The following VWA5A variants were observed in gnomAD, a reference collection of about 807,000 sequenced individuals.
VWA5A encodes von Willebrand factor A domain containing 5A, also known as von Willebrand factor A domain-containing protein 5A.
In VWA5A, 77 loss-of-function variants were observed where a neutral mutation model predicts 84.6. The observed-to-expected ratio is 0.91, with a 90% CI of 0.76 to 1.10. The LOEUF (loss-of-function observed/expected upper bound fraction) is 1.10. VWA5A is among the 50% of genes least tolerant of loss of function. The pLI is 0.00. For missense variants in VWA5A, 973 were observed against 963.0 expected (o/e 1.01, Z -0.14); for synonymous variants, 334 against 350.1 (o/e 0.95, Z 0.51).
At chr11:124,119,182 C>A in intron 7 of VWA5A, 93 bp downstream of exon 7, 1 of 1,193,406 alleles carries the variant, frequency 8.4e-7, no homozygotes, top group Non-Finnish European at 1.2e-6. Flanking sequence ...TCCTTCCCTC[C>A]AGGGGTGGTT....
chr11:124,135,023 A>T lies in VWA5A; in HGVS notation c.1348A>T (p.Met450Leu), dbSNP rs140282065. Residue 450 changes from methionine to leucine, a missense_variant, in exon 12 of 19, where the codon ATG (methionine) becomes TTG (leucine). Coordinates refer to ENST00000456829, the MANE Select transcript of VWA5A (RefSeq NM_001130142.2). Reference protein sequence around the residue: ...TSEFITGKDRMQSKALRTLKR... With the variant: ...TSEFITGKDRLQSKALRTLKR... ...AGAATTTATCACAGGCAAAGACAGG[A>T]TGCAGTCCAAGGTGAGGGACAGACT... The T allele has an allele frequency of 6.9e-4, 1,108 of 1,613,366 alleles. 1 individual carries two copies. The highest frequency in any genetic ancestry group is 8.5e-4 in the Non-Finnish European group (1,002 of 1,179,710).
chr11:124,136,277 T>A lies in VWA5A; in HGVS notation c.1508T>A (p.Leu503Gln). 1 of 1,613,324 alleles carries A rather than the reference T, an allele frequency of 6.2e-7. No individual in the cohort carries two copies. Among genetic ancestry groups the A allele is most frequent in the African/African-American group, 1.3e-5 (1 of 75,034 alleles). ...RGQRLISYAQ[L>Q]TGRMPAAETT... Reference sequence around the variant, plus strand: ...CAGAGATTAATCAGCTATGCCCAGCTGACCGGGAGGATGCCAGTGAGTTCC... The same window carrying A: ...CAGAGATTAATCAGCTATGCCCAGCAGACCGGGAGGATGCCAGTGAGTTCC... The change falls in exon 13 of 19, where the codon CTG becomes CAG. Residue 503 changes from leucine to glutamine, a missense_variant. Leu to Gln is a moderately radical substitution (Grantham distance 113, BLOSUM62 -2). Transcript: ENST00000456829.
intron 7 of VWA5A, among the ~76,000 whole-genome samples, chr11:124,121,590 C>A (rs547586839): frequency 1.1e-4 from 16 of 152,142 alleles, no homozygotes; most frequent in African/African-American, 3.1e-4. Flanking sequence ...AGATTGGATA[C>A]CCCGGCTTAA....
In VWA5A at chr11:124,139,225, TTGTG is replaced by T. The variant is rs113893702; in HGVS notation, c.1879+1987_1879+1990del. Among the ~76,000 whole-genome samples the T allele has an allele frequency of 3.3e-3, 486 of 147,360 alleles. 2 individuals are homozygous for T. The highest frequency in any genetic ancestry group is 6.7e-3 in the Admixed American group (99 of 14,818). On this transcript the variant is annotated intron_variant, in intron 15 of 18. Transcript: ENST00000456829. ...TAGTATGATGCCTCCAGCATTTTGT[TTGTG>T]TGTGTGTGTGTGTGTGTGTGTGTGT...
At position 124,141,048 on chromosome 11, in the gene VWA5A, A is replaced by C. The variant is rs190710696; in HGVS notation, c.1880-550A>C. Among the ~76,000 whole-genome samples the C allele has an allele frequency of 1.9e-3, 290 of 152,330 alleles. 2 individuals carry two copies. The highest frequency in any genetic ancestry group is 6.5e-3 in the African/African-American group (271 of 41,574). ...TTATAGGCTATCTACATGGGTGATG[A>C]AATCTCAAGATGATGGTAGGCCTTT... On this transcript the variant is annotated intron_variant, in intron 15 of 18. Transcript: ENST00000456829.
At chr11:124,144,536 A>T (rs1860782222) in intron 17 of VWA5A, among the ~76,000 whole-genome samples, 1 of 152,196 alleles carries the variant, frequency 6.6e-6, no homozygotes, top group African/African-American at 2.4e-5. Context: ...AGGAATTGAG[A>T]ATTCTAATCT....
At chr11:124,138,939 G>C (rs894981880) in intron 15 of VWA5A, among the ~76,000 whole-genome samples, 4 of 152,142 alleles carry the variant, frequency 2.6e-5, no homozygotes, top group African/African-American at 7.2e-5. Context: ...GTTCATTTGA[G>C]TTGGTTTTTC....
intron 10 of VWA5A, 31 bp from the exon 11 acceptor site, chr11:124,124,206 G>A: frequency 6.2e-7 from 1 of 1,604,602 alleles, no homozygotes; most frequent in South Asian, 1.1e-5. Context: ...ACTTGACAAA[G>A]ACCTGATGAA....
At chr11:124,137,399 T>C in intron 15 of VWA5A, 131 bp downstream of exon 15, 1 of 1,261,108 alleles carries the variant, frequency 7.9e-7, no homozygotes. Context: ...ACATCTAGGA[T>C]TTCTGGTTAG....
chr11:124,122,400 T>C (rs1192428245), intron 7 of VWA5A, among the ~76,000 whole-genome samples: 4 of 152,218 alleles, frequency 2.6e-5, no homozygotes, highest in Non-Finnish European at 5.9e-5. Flanking sequence ...TGTTTCCCTT[T>C]CTTCTGGGGA....
At chr11:124,142,387 T>C (rs1437556853) in intron 16 of VWA5A, 55 bp from the exon 17 acceptor site, 3 of 1,600,766 alleles carry the variant, frequency 1.9e-6, no homozygotes, top group Non-Finnish European at 2.6e-6. Flanking sequence ...TCAAGTGTGC[T>C]GAGGTGCCGA....
At chr11:124,130,605 G>A (rs1356195058) in intron 11 of VWA5A, among the ~76,000 whole-genome samples, 2 of 152,044 alleles carry the variant, frequency 1.3e-5, no homozygotes, top group Non-Finnish European at 2.9e-5. Flanking sequence ...ATTATTGTGT[G>A]GGAGTCTAAG....
chr11:124,123,924 A>T, intron 10 of VWA5A, 120 bp downstream of exon 10: 1 of 1,338,826 alleles, frequency 7.5e-7, no homozygotes, highest in Non-Finnish European at 9.9e-7. Context: ...CTTCTATCAT[A>T]TAGTAAACAG....
intron 11 of VWA5A, among the ~76,000 whole-genome samples, chr11:124,126,789 T>A (rs1197533610): frequency 2.6e-5 from 4 of 151,784 alleles, no homozygotes; most frequent in African/African-American, 9.6e-5. Flanking sequence ...GGACACCATA[T>A]AACCTTCACC....
chr11:124,124,511 A>C, intron 11 of VWA5A, 195 bp downstream of exon 11: 1 of 1,338,824 alleles, frequency 7.5e-7, no homozygotes, highest in Non-Finnish European at 9.6e-7. Flanking sequence ...ACACAGCAAA[A>C]CCATTGTTTC....
intron 13 of VWA5A, 122 bp downstream of exon 13, chr11:124,136,415 C>G: frequency 6.2e-6 from 9 of 1,459,246 alleles, no homozygotes; most frequent in Non-Finnish European, 8.4e-6. Context: ...AGCTAGCCTA[C>G]TTCCTTCCCA....
rs909519608 is a variant in VWA5A at position 124,146,025 on chromosome 11, T to G, written c.*80T>G. ...TATCACTTTTGCTGTGATGATGTGT[T>G]CTTGTGTATTATAACTCTTTATTTT... On this transcript the variant is annotated 3_prime_UTR_variant, in exon 19 of 19. Transcript: ENST00000456829. 1 of 1,435,580 alleles carries G rather than the reference T, an allele frequency of 7.0e-7. No homozygotes were observed. The highest frequency in any genetic ancestry group is 9.5e-7 in the Non-Finnish European group (1 of 1,050,998). 88.9% of individuals were successfully genotyped at this position (1,435,580 alleles called of 1,614,324 possible).
intron 14 of VWA5A, 91 bp downstream of exon 14, chr11:124,136,765 C>T: frequency 1.3e-6 from 1 of 792,832 alleles, no homozygotes; most frequent in South Asian, 1.7e-5. Flanking sequence ...TCCCTCCCTC[C>T]CTCCCTCCCT....
chr11:124,135,672 A>G (rs1865167911), intron 12 of VWA5A, among the ~76,000 whole-genome samples: 1 of 146,658 alleles, frequency 6.8e-6, no homozygotes, highest in Non-Finnish European at 1.5e-5. Context: ...CTGGGACTAC[A>G]GGCGCCCGCC....
Sources: gnomAD v4.1 joint callset for allele counts (sites outside exome capture counted in the v4.1 genomes callset) on GRCh38, gnomAD v4.1.1 for gene constraint, MANE v1.5 for transcripts, NCBI Gene and HGNC (gene_info 2026-07-23, HGNC 2026-07-21) for gene names.